Variants in ESR1 observed in about 807,000 individuals in gnomAD.
ESR1 encodes estrogen receptor 1.
Under a neutral mutation model 52.7 loss-of-function variants are expected in ESR1, and 12 were observed. That is an observed-to-expected ratio of 0.23 (90% CI 0.15 to 0.37). ESR1 has a LOEUF of 0.37. Among genes scored for constraint, ESR1 ranks in the 10% least tolerant of loss-of-function variants. The pLI is 1.00. For synonymous variants in ESR1, 305 were observed against 316.8 expected (o/e 0.96, Z 0.39); for missense variants, 584 against 779.7 (o/e 0.75, Z 2.99).
At chr6:151,806,557 T>TATATATATATATATATATACAC (rs1554259008), upstream of ESR1, among the ~76,000 whole-genome samples, 119 of 133,752 alleles carry the variant, frequency 8.9e-4, 1 homozygote, top group Non-Finnish European at 1.2e-3. Flanking sequence ...TATATATATA[T>TATATATATATATATATATACAC]ACACATATAT....
intron 3 of ESR1, among the ~76,000 whole-genome samples, chr6:151,925,837 A>G (rs1024817274): frequency 5.9e-5 from 9 of 151,744 alleles, no homozygotes; most frequent in African/African-American, 2.2e-4. Context: ...TTTTTCTTCC[A>G]TATTGTGCTA....
At chr6:152,115,085 C>G (rs1286036858) in intron 6 of ESR1, among the ~76,000 whole-genome samples, 2 of 151,498 alleles carry the variant, frequency 1.3e-5, no homozygotes, top group Admixed American at 6.6e-5. Context: ...GTCAAAATGT[C>G]AAGCCTTATA....
At chr6:151,704,301 G>A (rs573475149) in intron 2 of ESR1, among the ~76,000 whole-genome samples, 107 of 152,236 alleles carry the variant, frequency 7.0e-4, no homozygotes, top group African/African-American at 1.9e-3. Flanking sequence ...GCAGTGGTGC[G>A]ATCTTGGCTC....
chr6:152,081,308 AG>A (rs1273454178), intron 6 of ESR1, among the ~76,000 whole-genome samples: 4 of 152,172 alleles, frequency 2.6e-5, no homozygotes, highest in Non-Finnish European at 5.9e-5. Flanking sequence ...ATTAGAACTC[AG>A]GATTAAGAAA....
intron 3 of ESR1, 145 bp from the exon 4 acceptor site, chr6:151,944,028 C>G: frequency 1.5e-6 from 1 of 662,970 alleles, no homozygotes; most frequent in Non-Finnish European, 2.6e-6. Flanking sequence ...TCTTGGAGAG[C>G]CACTTGTTGA....
At chr6:151,725,290 C>G (rs1244001493) in intron 2 of ESR1, among the ~76,000 whole-genome samples, 1 of 152,078 alleles carries the variant, frequency 6.6e-6, no homozygotes, top group Non-Finnish European at 1.5e-5. Flanking sequence ...TGCCAAACAT[C>G]ATTGATGTGT....
chr6:151,999,731 G>T (rs1291340899), intron 4 of ESR1, among the ~76,000 whole-genome samples: 1 of 152,104 alleles, frequency 6.6e-6, no homozygotes, highest in Non-Finnish European at 1.5e-5. Flanking sequence ...TGATCATCTG[G>T]GAAGTCATTG....
chr6:151,932,961 T>C (rs1194704675), intron 3 of ESR1, among the ~76,000 whole-genome samples: 1 of 151,752 alleles, frequency 6.6e-6, no homozygotes, highest in Non-Finnish European at 1.5e-5. Context: ...CCATATGAAC[T>C]TTAAAGTAGT....
intron 2 of ESR1, among the ~76,000 whole-genome samples, chr6:151,760,804 G>A (rs1183334602): frequency 6.6e-6 from 1 of 152,058 alleles, no homozygotes; most frequent in Non-Finnish European, 1.5e-5. Context: ...GCAAGCTCTT[G>A]GTAAAGTGCT....
At chr6:152,009,323 T>A (rs1350309500) in intron 4 of ESR1, among the ~76,000 whole-genome samples, 1 of 152,090 alleles carries the variant, frequency 6.6e-6, no homozygotes, top group Non-Finnish European at 1.5e-5. Flanking sequence ...GAAGGTGCAA[T>A]AAATTTAAAC....
chr6:152,071,525 G>C (rs1295322906), intron 6 of ESR1, among the ~76,000 whole-genome samples: 2 of 152,098 alleles, frequency 1.3e-5, no homozygotes, highest in Non-Finnish European at 2.9e-5. Flanking sequence ...GATTATAATA[G>C]CGTCTACCTC....
chr6:151,756,427 T>C (rs1453931228), intron 2 of ESR1, among the ~76,000 whole-genome samples: 2 of 152,158 alleles, frequency 1.3e-5, no homozygotes, highest in African/African-American at 2.4e-5. Flanking sequence ...TTTGTATTTT[T>C]AGTAGAGACA....
At chr6:152,057,132 A>G (rs1458211558) in intron 5 of ESR1, among the ~76,000 whole-genome samples, 1 of 152,172 alleles carries the variant, frequency 6.6e-6, no homozygotes, top group Non-Finnish European at 1.5e-5. Flanking sequence ...GACACTGAAG[A>G]GTTCCTTTGC....
At chr6:151,944,533 A>G (rs768682372) in intron 4 of ESR1, 25 bp downstream of exon 4, 1 of 1,597,710 alleles carries the variant, frequency 6.3e-7, no homozygotes, top group Non-Finnish European at 8.6e-7. Context: ...CGCAGCTTTT[A>G]AGAGTCAATA....
chr6:151,799,379 A>G (rs1777011823), intron 2 of ESR1, among the ~76,000 whole-genome samples: 1 of 152,226 alleles, frequency 6.6e-6, no homozygotes, highest in African/African-American at 2.4e-5. Context: ...TGTTCTAGAA[A>G]ATATGAATCT....
intron 1 of ESR1, among the ~76,000 whole-genome samples, chr6:151,696,893 A>G (rs969111234): frequency 2.6e-5 from 4 of 152,214 alleles, no homozygotes; most frequent in African/African-American, 9.6e-5. Flanking sequence ...ACTCTTGACC[A>G]TGACCTTAAA....
intron 1 of ESR1, chr6:151,809,168 G>A (rs1420530726): frequency 1.6e-5 from 7 of 450,728 alleles, no homozygotes; most frequent in Non-Finnish European, 2.8e-5. Context: ...AGAATGCCCC[G>A]GAGTGGCGTG....
intron 5 of ESR1, among the ~76,000 whole-genome samples, chr6:152,028,922 G>A (rs1158111764): frequency 1.3e-5 from 2 of 152,116 alleles, no homozygotes; most frequent in Admixed American, 1.3e-4. Context: ...TCACATGGCC[G>A]GGTACTCCTC....
chr6:151,985,269 G>A (rs2040348236), intron 4 of ESR1, among the ~76,000 whole-genome samples: 1 of 151,960 alleles, frequency 6.6e-6, no homozygotes, highest in South Asian at 2.1e-4. Context: ...ACTGTGGGAG[G>A]CTGAGACGGG....
Sources: gnomAD v4.1 joint callset for allele counts (sites outside exome capture counted in the v4.1 genomes callset) on GRCh38, gnomAD v4.1.1 for gene constraint, MANE v1.5 for transcripts, NCBI Gene and HGNC (gene_info 2026-07-23, HGNC 2026-07-21) for gene names.